The following RPTOR variants were observed in gnomAD, a reference collection of about 807,000 sequenced individuals.
RPTOR encodes regulatory-associated protein of mTOR.
A neutral mutation model predicts 169.9 loss-of-function variants in RPTOR; 21 were observed. That is an observed-to-expected ratio of 0.12 (90% CI 0.09 to 0.18). The LOEUF (loss-of-function observed/expected upper bound fraction) is 0.18, where lower values mean the gene tolerates loss of function less well. Ranked by LOEUF, RPTOR falls within the 10% of genes least tolerant of loss-of-function variation. RPTOR has a pLI of 1.00. For synonymous variants in RPTOR, 732 were observed against 753.2 expected (o/e 0.97, Z 0.46); for missense variants, 1,133 against 1,855.9 (o/e 0.61, Z 7.16).
At chr17:80,910,068 T>G (rs2068594043) in intron 21 of RPTOR, among the ~76,000 whole-genome samples, 1 of 152,182 alleles carries the variant, frequency 6.6e-6, no homozygotes, top group South Asian at 2.1e-4. Flanking sequence ...GAATACTTAG[T>G]CAAAGACCCC....
chr17:80,695,422 T>C lies in RPTOR; in HGVS notation c.349-12419T>C, dbSNP rs2066028173. Among the ~76,000 whole-genome samples, 1 of 152,218 alleles carries C rather than the reference T, an allele frequency of 6.6e-6. No individual in the cohort carries two copies. The highest frequency in any genetic ancestry group is 2.1e-4 in the South Asian group (1 of 4,834). ...GGGGCTGAGACTTAAGTTTCCCATCTCTGGGCGGGACCTGTGCTCTCTCCC... is the reference window on the plus strand; with the variant it reads ...GGGGCTGAGACTTAAGTTTCCCATCCCTGGGCGGGACCTGTGCTCTCTCCC... On this transcript the variant is annotated intron_variant, in intron 3 of 33. Coordinates refer to ENST00000306801, the MANE Select transcript of RPTOR (RefSeq NM_020761.3). The surrounding 1 kb of genome is among the most constrained non-coding windows in gnomAD (Gnocchi z 4.9).
intron 20 of RPTOR, among the ~76,000 whole-genome samples, chr17:80,898,876 G>A (rs2068440997): frequency 6.6e-6 from 1 of 151,952 alleles, no homozygotes. Flanking sequence ...AATGACAGCA[G>A]CGCATGACAG....
chr17:80,736,922 G>A (rs975812512), intron 5 of RPTOR, among the ~76,000 whole-genome samples: 1 of 152,176 alleles, frequency 6.6e-6, no homozygotes, highest in Non-Finnish European at 1.5e-5. Flanking sequence ...GCTCAGGCTC[G>A]CCTGTATTTC....
At chr17:80,883,656 T>C in intron 15 of RPTOR, 125 bp from the exon 16 acceptor site, 1 of 1,256,294 alleles carries the variant, frequency 8.0e-7, no homozygotes, top group Non-Finnish European at 1.1e-6. Flanking sequence ...GAATCTAAAA[T>C]GGGGAAAATT....
At chr17:80,809,292 T>G (rs895663674) in intron 7 of RPTOR, among the ~76,000 whole-genome samples, 2 of 152,300 alleles carry the variant, frequency 1.3e-5, no homozygotes, top group Admixed American at 6.5e-5. Context: ...CCCGGGTTCC[T>G]GCAATTCTCG....
At chr17:80,699,811 G>A (rs1050333794) in intron 3 of RPTOR, among the ~76,000 whole-genome samples, 15 of 149,534 alleles carry the variant, frequency 1.0e-4, no homozygotes, top group African/African-American at 3.7e-4. Flanking sequence ...GTACCCTGGT[G>A]CAGTGATGGG....
chr17:80,826,790 T>C (rs1020235854), intron 9 of RPTOR, among the ~76,000 whole-genome samples: 6 of 152,362 alleles, frequency 3.9e-5, no homozygotes, highest in African/African-American at 1.4e-4. Flanking sequence ...CGCTGGCCAC[T>C]GGGCACACCT....
chr17:80,883,916 G>C lies in RPTOR; in HGVS notation c.1786G>C (p.Val596Leu). The C allele has an allele frequency of 6.2e-7, 1 of 1,613,514 alleles. No homozygotes were observed. The highest frequency in any genetic ancestry group is 8.5e-7 in the Non-Finnish European group (1 of 1,180,032). The change falls in exon 16 of 34, where the codon GTG becomes CTG. Residue 596 changes from valine (V) to leucine (L), a missense_variant. Around this residue, in one of 9 missense-constraint regions of RPTOR, gnomAD observed 289 missense variants for 585.8 expected, o/e 0.49. Coordinates refer to ENST00000306801, the MANE Select transcript of RPTOR (RefSeq NM_020761.3). ...QNFDSARWCGVRDSAHEKLYS... is the reference protein window; with the variant it reads ...QNFDSARWCGLRDSAHEKLYS... ...CTTCGACTCGGCGAGGTGGTGCGGC[G>C]TGAGGGACAGCGCTCATGAGAAGCT... is the stretch of plus-strand genomic sequence containing the variant.
intron 24 of RPTOR, among the ~76,000 whole-genome samples, chr17:80,929,116 G>A (rs2068845369): frequency 6.6e-6 from 1 of 152,240 alleles, no homozygotes; most frequent in Admixed American, 6.5e-5. Context: ...GAATCACTTA[G>A]TAGGAGAGTT....
intron 3 of RPTOR, among the ~76,000 whole-genome samples, chr17:80,706,768 G>T (rs1262574368): frequency 6.6e-6 from 1 of 152,152 alleles, no homozygotes; most frequent in Non-Finnish European, 1.5e-5. Flanking sequence ...TAGCTCCTTG[G>T]GGTATTTACT....
At chr17:80,778,050 T>G (rs2143443463) in intron 6 of RPTOR, among the ~76,000 whole-genome samples, 1 of 152,366 alleles carries the variant, frequency 6.6e-6, no homozygotes, top group African/African-American at 2.4e-5. Context: ...CATTTGTATC[T>G]ACTCCATACC....
At chr17:80,711,359 A>T (rs1000423577) in intron 4 of RPTOR, among the ~76,000 whole-genome samples, 8 of 145,972 alleles carry the variant, frequency 5.5e-5, no homozygotes, top group Non-Finnish European at 9.1e-5. Context: ...CCCTGTTGCC[A>T]ATTTGACACT....
At chr17:80,816,981 C>A (rs1346683549) in intron 7 of RPTOR, among the ~76,000 whole-genome samples, 1 of 152,190 alleles carries the variant, frequency 6.6e-6, no homozygotes, top group Non-Finnish European at 1.5e-5. Context: ...GAAGACACAC[C>A]CTCATAGAGC....
chr17:80,757,632 G>A (rs997192340), intron 6 of RPTOR, among the ~76,000 whole-genome samples: 1 of 152,060 alleles, frequency 6.6e-6, no homozygotes, highest in Non-Finnish European at 1.5e-5. Flanking sequence ...TATTTGGGGG[G>A]TCCATGCAAT....
chr17:80,787,926 A>G (rs72852775), intron 6 of RPTOR, among the ~76,000 whole-genome samples: 25,334 of 151,936 alleles, frequency 0.17, 2,395 homozygotes, highest in African/African-American at 0.26. Flanking sequence ...TTTGCTTTTC[A>G]TTTTAGGACG....
intron 19 of RPTOR, among the ~76,000 whole-genome samples, chr17:80,893,395 G>GGTGTGTGTGT (rs3042650): frequency 4.3e-5 from 6 of 139,168 alleles, no homozygotes; most frequent in African/African-American, 1.1e-4. Flanking sequence ...TGCATGCCAG[G>GGTGTGTGTGT]GTGTGTGTGT....
chr17:80,553,126 T>C (rs886392123), intron 1 of RPTOR, among the ~76,000 whole-genome samples: 1 of 152,252 alleles, frequency 6.6e-6, no homozygotes, highest in Non-Finnish European at 1.5e-5. Flanking sequence ...GTTCCTGATT[T>C]CTTTGCCATG....
intron 9 of RPTOR, among the ~76,000 whole-genome samples, chr17:80,824,731 C>T (rs995725583): frequency 6.6e-6 from 1 of 152,244 alleles, no homozygotes; most frequent in Non-Finnish European, 1.5e-5. Flanking sequence ...GTTCCCTTAC[C>T]AGGAATCAGT....
chr17:80,725,721 A>T (rs1346059027), intron 4 of RPTOR, among the ~76,000 whole-genome samples: 1 of 152,188 alleles, frequency 6.6e-6, no homozygotes, highest in South Asian at 2.1e-4. Flanking sequence ...GACCTCTGAG[A>T]TGGGAAATGA....
Sources: allele counts gnomAD v4.1 joint callset (sites outside exome capture counted in the v4.1 genomes callset), GRCh38; gene constraint gnomAD v4.1.1; regional missense constraint gnomAD v4.1.1; non-coding constraint Gnocchi (gnomAD v3.1); transcripts MANE v1.5; gene names NCBI Gene and HGNC (gene_info 2026-07-23, HGNC 2026-07-21).